The following CHCHD6 variants were observed in gnomAD, a reference collection of about 807,000 sequenced individuals.
CHCHD6 encodes MICOS complex subunit MIC25.
Under a neutral mutation model 32.3 loss-of-function variants are expected in CHCHD6, and 28 were observed. That is an observed-to-expected ratio of 0.87 (90% CI 0.64 to 1.19). The LOEUF is 1.19. Ranked by LOEUF, CHCHD6 falls within the 50% of genes most tolerant of loss-of-function variation. CHCHD6 has a pLI of 0.00. For missense variants in CHCHD6, 333 were observed against 307.0 expected (o/e 1.08, Z -0.63); for synonymous variants, 122 against 117.5 (o/e 1.04, Z -0.25).
chr3:126,853,254 TAAA>T (rs60860773), intron 5 of CHCHD6, among the ~76,000 whole-genome samples: 1 of 132,924 alleles, frequency 7.5e-6, no homozygotes. Context: ...ATCATGCCTT[TAAA>T]AAAAAAAAAA....
intron 5 of CHCHD6, among the ~76,000 whole-genome samples, chr3:126,869,326 G>A (rs1265098892): frequency 6.8e-6 from 1 of 147,260 alleles, no homozygotes; most frequent in Non-Finnish European, 1.5e-5. Context: ...CTGTGATGGG[G>A]ATTACCGTTA....
chr3:126,846,551 A>C (rs1941302313), intron 4 of CHCHD6, among the ~76,000 whole-genome samples: 1 of 152,262 alleles, frequency 6.6e-6, no homozygotes, highest in Non-Finnish European at 1.5e-5. Context: ...GATTTTGGAA[A>C]TAGCAAGAGA....
At chr3:126,796,589 A>T (rs1938802069) in intron 4 of CHCHD6, among the ~76,000 whole-genome samples, 1 of 152,156 alleles carries the variant, frequency 6.6e-6, no homozygotes. Context: ...GTATCAGTGT[A>T]CAGTGGCTCC....
intron 5 of CHCHD6, among the ~76,000 whole-genome samples, chr3:126,884,224 G>T (rs146583323): frequency 1.2e-3 from 186 of 152,242 alleles, no homozygotes; most frequent in African/African-American, 4.4e-3. Flanking sequence ...CTTGGGGATG[G>T]CATACAGTAG....
At chr3:126,826,999 G>C (rs928741680) in intron 4 of CHCHD6, among the ~76,000 whole-genome samples, 7 of 152,184 alleles carry the variant, frequency 4.6e-5, no homozygotes, top group Non-Finnish European at 1.0e-4. Context: ...ACAGGTGAAG[G>C]ATGTTTGTGG....
At chr3:126,733,713 G>A (rs184034460) in intron 4 of CHCHD6, among the ~76,000 whole-genome samples, 2 of 152,286 alleles carry the variant, frequency 1.3e-5, no homozygotes, top group South Asian at 2.1e-4. Flanking sequence ...GACTGCCCAG[G>A]GAATCAGAGG....
intron 4 of CHCHD6, among the ~76,000 whole-genome samples, chr3:126,799,478 A>AAAAAAG (rs1156340142): frequency 1.2e-4 from 19 of 152,296 alleles, no homozygotes; most frequent in African/African-American, 3.6e-4. Flanking sequence ...CCTGTGATAA[A>AAAAAAG]ACGTGGATCC....
Position 126,836,635 on chromosome 3 carries a change from G to C in CHCHD6, c.412-16012G>C, listed in dbSNP as rs557826690. 9.3e-4 allele frequency among the ~76,000 whole-genome samples: 142 copies of C among 152,342 alleles called. 2 individuals are homozygous for C. The highest frequency in any genetic ancestry group is 3.3e-3 in the African/African-American group (138 of 41,570). The stretch of plus-strand genomic sequence containing the variant: ...TACTGAAGACAGTGCACACAAGAGT[G>C]AAACAGCAGTGGGGACACTGACCGG... On this transcript the variant is annotated intron_variant, in intron 4 of 7. Coordinates refer to ENST00000290913, the MANE Select transcript of CHCHD6 (RefSeq NM_032343.3).
At chr3:126,909,389 G>A (rs1444244632) in intron 5 of CHCHD6, among the ~76,000 whole-genome samples, 1 of 152,174 alleles carries the variant, frequency 6.6e-6, no homozygotes, top group Admixed American at 6.5e-5. Context: ...CTTCTGCTCA[G>A]ACACATTTTG....
At chr3:126,808,735 A>G (rs996587972) in intron 4 of CHCHD6, among the ~76,000 whole-genome samples, 2 of 152,170 alleles carry the variant, frequency 1.3e-5, no homozygotes, top group African/African-American at 4.8e-5. Context: ...TCAGGACTGT[A>G]AAGTGGATAC....
chr3:126,805,556 AC>A (rs1208881199), intron 4 of CHCHD6, among the ~76,000 whole-genome samples: 6 of 152,184 alleles, frequency 3.9e-5, no homozygotes, highest in African/African-American at 1.4e-4. Flanking sequence ...AAAAGAGGAT[AC>A]AAACAAATGG....
chr3:126,839,070 A>G (rs970257093), intron 4 of CHCHD6, among the ~76,000 whole-genome samples: 25 of 151,842 alleles, frequency 1.6e-4, no homozygotes, highest in Admixed American at 3.3e-4. Flanking sequence ...TATTTTTAAT[A>G]GTAGAGATAA....
At position 126,824,560 on chromosome 3, in the gene CHCHD6, C is replaced by CAAA. The variant is rs71150454; in HGVS notation, c.412-28068_412-28066dup. 3.9e-3 allele frequency among the ~76,000 whole-genome samples: 156 copies of CAAA among 39,988 alleles called. 16 individuals are homozygous for CAAA. The highest frequency in any genetic ancestry group is 0.016 in the East Asian group (15 of 960). 26.2% of individuals were successfully genotyped at this position (39,988 alleles called of 152,430 possible). ...TAGGTGATAGAGCAAGACTCTGTCT[C>CAAA]AAAAAAAAAAAAAAAAAAAAAGTCA... On this transcript the variant is annotated intron_variant, in intron 4 of 7. Transcript: ENST00000290913.
At chr3:126,729,578 C>T (rs565129874) in intron 2 of CHCHD6, among the ~76,000 whole-genome samples, 11 of 152,302 alleles carry the variant, frequency 7.2e-5, no homozygotes, top group African/African-American at 2.4e-4. Context: ...TGAAACCCCG[C>T]AGCAGGCTCC....
At chr3:126,870,425 T>G (rs1370497823) in intron 5 of CHCHD6, among the ~76,000 whole-genome samples, 1 of 152,122 alleles carries the variant, frequency 6.6e-6, no homozygotes, top group African/African-American at 2.4e-5. Flanking sequence ...TGACTTGGGT[T>G]TTTTCCCCTT....
chr3:126,907,073 C>T lies in CHCHD6; in HGVS notation c.496-7607C>T, dbSNP rs563749736. On this transcript the variant is annotated intron_variant, in intron 5 of 7. Transcript: ENST00000290913. Reference sequence around the variant, plus strand: ...GTCTCTCAGGTGGAAACACGGTCATCTGATGGTGGGAATTCAGGGGTAACA... The same window carrying T: ...GTCTCTCAGGTGGAAACACGGTCATTTGATGGTGGGAATTCAGGGGTAACA... Among the ~76,000 whole-genome samples the T allele has an allele frequency of 3.0e-4, 45 of 152,294 alleles. No individual in the cohort carries two copies. The South Asian group carries it at 9.1e-3, about 31-fold the overall frequency.
chr3:126,823,170 G>T (rs545587563), intron 4 of CHCHD6, among the ~76,000 whole-genome samples: 1 of 151,116 alleles, frequency 6.6e-6, no homozygotes, highest in Non-Finnish European at 1.5e-5. Flanking sequence ...TCCCACCTCG[G>T]CCTCACAAAC....
intron 4 of CHCHD6, among the ~76,000 whole-genome samples, chr3:126,796,924 G>T (rs1470663554): frequency 6.6e-6 from 1 of 152,172 alleles, no homozygotes; most frequent in African/African-American, 2.4e-5. Flanking sequence ...AGGGCCAGGA[G>T]GCCCTTAGGT....
At chr3:126,850,220 C>T (rs1029293871) in intron 4 of CHCHD6, among the ~76,000 whole-genome samples, 2 of 152,252 alleles carry the variant, frequency 1.3e-5, no homozygotes, top group Admixed American at 6.5e-5. Flanking sequence ...TCACTTGTGA[C>T]GAAGCCAAGG....
Sources: gnomAD v4.1 joint callset for allele counts (sites outside exome capture counted in the v4.1 genomes callset) on GRCh38, gnomAD v4.1.1 for gene constraint, MANE v1.5 for transcripts, NCBI Gene and HGNC (gene_info 2026-07-23, HGNC 2026-07-21) for gene names.